PCYOX1: variants seen among roughly 807,000 people sequenced by gnomAD.
PCYOX1 encodes the protein prenylcysteine oxidase 1.
In PCYOX1, 46 loss-of-function variants were observed where a neutral mutation model predicts 46.4. The ratio of observed to expected loss-of-function variants is 0.99; its 90% CI spans 0.78 to 1.27. The LOEUF (loss-of-function observed/expected upper bound fraction) is 1.27, where lower values mean the gene tolerates loss of function less well. PCYOX1 is among the 50% of genes most tolerant of loss of function. The probability of loss-of-function intolerance (pLI) is 0.00; values close to 1 mark genes in which losing one functional copy is unlikely to be tolerated. For missense variants in PCYOX1, 658 were observed against 628.3 expected, an observed-to-expected ratio of 1.05 and a Z score of -0.51; for synonymous variants, 220 against 231.8, an observed-to-expected ratio of 0.95 and a Z score of 0.46.
At chr2:70,270,531 T>G (rs1203854508) in intron 3 of PCYOX1, among the ~76,000 whole-genome samples, 1 of 152,196 alleles carries the variant, frequency 6.6e-6, no homozygotes, top group South Asian at 2.1e-4. Context: ...CTGGCTTCAT[T>G]GTTTCTTGAA....
intron 3 of PCYOX1, among the ~76,000 whole-genome samples, chr2:70,273,349 A>T (rs1696627479): frequency 6.6e-6 from 1 of 152,186 alleles, no homozygotes. Flanking sequence ...GAAGGTATTT[A>T]GTTTCTCAGT....
At chr2:70,261,540 A>G (rs1696436418) in intron 3 of PCYOX1, among the ~76,000 whole-genome samples, 154 bp downstream of exon 3, 1 of 152,220 alleles carries the variant, frequency 6.6e-6, no homozygotes, top group Non-Finnish European at 1.5e-5. Context: ...TGTAGAAACT[A>G]TGCAGACTAT....
At position 70,278,807 on chromosome 2, in the gene PCYOX1, G is replaced by A. The variant is rs1224630272; in HGVS notation, c.*1415G>A. 1 of 152,158 alleles carries A rather than the reference G, an allele frequency of 6.6e-6. No individual in the cohort carries two copies. The highest frequency in any genetic ancestry group is 2.4e-5 in the African/African-American group (1 of 41,440). 9.4% of individuals were successfully genotyped at this position (152,158 alleles called of 1,614,324 possible). Reference sequence around the variant, plus strand: ...ATCATGATTAACTGTCAAGACACTGGTAGAACAGAACAAGCAAAAGATTAA... The same window carrying A: ...ATCATGATTAACTGTCAAGACACTGATAGAACAGAACAAGCAAAAGATTAA... On this transcript the variant is annotated 3_prime_UTR_variant, in exon 6 of 6. Transcript: ENST00000433351.
intron 3 of PCYOX1, among the ~76,000 whole-genome samples, chr2:70,262,145 G>C (rs527682787): frequency 8.5e-4 from 129 of 152,178 alleles, no homozygotes; most frequent in Admixed American, 2.7e-3. Flanking sequence ...AAAGCTGTTG[G>C]CATGTTCTAG....
rs922961948 is a variant in PCYOX1 at position 70,277,576 on chromosome 2, C to T, written c.*184C>T. 1.9e-6 allele frequency: 1 copy of T among 520,282 alleles called. No homozygotes were observed. The highest frequency in any genetic ancestry group is 1.9e-5 in the African/African-American group (1 of 51,942). The allele number at this position is 520,282 out of a possible 1,614,324, so 32.2% of individuals were successfully genotyped here. On this transcript the variant is annotated 3_prime_UTR_variant, in exon 6 of 6. Coordinates refer to ENST00000433351, the MANE Select transcript of PCYOX1 (RefSeq NM_016297.4). ...TAAGTGTGAAGGTATAGCTATTGCACTTATGCCATCTCCAAAATTTCTTAA... is the reference window on the plus strand; with the variant it reads ...TAAGTGTGAAGGTATAGCTATTGCATTTATGCCATCTCCAAAATTTCTTAA...
At chr2:70,271,200 T>C (rs1241329042) in intron 3 of PCYOX1, among the ~76,000 whole-genome samples, 3 of 151,400 alleles carry the variant, frequency 2.0e-5, no homozygotes, top group Non-Finnish European at 4.4e-5. Context: ...CCTGAATAGC[T>C]GGGACTACAG....
Position 70,275,561 on chromosome 2 carries a change from G to A in PCYOX1, c.754G>A (p.Gly252Ser). 1 of 1,614,124 alleles carries A rather than the reference G, an allele frequency of 6.2e-7. No individual in the cohort carries two copies. Among genetic ancestry groups the A allele is most frequent in the Non-Finnish European group, 8.5e-7 (1 of 1,180,008 alleles). ...CSDSGLWAVE[G>S]GNKLVCSGLL... ...TGATTCTGGCCTTTGGGCAGTAGAA[G>A]GTGGCAATAAACTTGTTTGCTCAGG... The change falls in exon 5 of 6, where the codon GGT (glycine) becomes AGT (serine). Residue 252 changes from glycine (G) to serine (S), a missense_variant. Transcript: ENST00000433351.
intron 5 of PCYOX1, among the ~76,000 whole-genome samples, chr2:70,275,880 C>T (rs1696664297): frequency 6.6e-6 from 1 of 152,028 alleles, no homozygotes; most frequent in South Asian, 2.1e-4. Context: ...GGGTGGATCA[C>T]CTGAGGTCAG....
rs545518869 is a variant in PCYOX1 at position 70,274,917 on chromosome 2, C to A, written c.495-42C>A. ...CCTTCTTTATACATCCCCTTCCCCA[C>A]ATCTTGTTTGGTATTTAATGGATTT... On this transcript the variant is annotated intron_variant, in intron 3 of 5. Coordinates refer to ENST00000433351, the MANE Select transcript of PCYOX1 (RefSeq NM_016297.4). 23 of 1,212,586 alleles carry A rather than the reference C, an allele frequency of 1.9e-5. No individual in the cohort carries two copies. In the South Asian group the frequency reaches 2.5e-4, roughly 13 times the overall value. The allele number at this position is 1,212,586 out of a possible 1,614,324, so 75.1% of individuals were successfully genotyped here.
chr2:70,264,744 G>A (rs532472836), intron 3 of PCYOX1, among the ~76,000 whole-genome samples: 4 of 151,926 alleles, frequency 2.6e-5, no homozygotes, highest in African/African-American at 7.2e-5. Context: ...GGCCGGGCGC[G>A]GTGGCACACG....
At position 70,269,952 on chromosome 2, in the gene PCYOX1, G is replaced by C. The variant is rs564708254; in HGVS notation, c.495-5007G>C. Among the ~76,000 whole-genome samples, 8 of 152,078 alleles carry C rather than the reference G, an allele frequency of 5.3e-5. No homozygotes were observed. In the South Asian group the frequency reaches 1.7e-3, roughly 32 times the overall value. On this transcript the variant is annotated intron_variant, in intron 3 of 5. Transcript: ENST00000433351. Reference sequence around the variant, plus strand: ...GCTAGTTTCACATTGCAGTTGGAAGGGTGCTGGTTTTATTTTTTATTTTTT... The same window carrying C: ...GCTAGTTTCACATTGCAGTTGGAAGCGTGCTGGTTTTATTTTTTATTTTTT...
rs1013601699 is a variant in PCYOX1, at chr2:70,280,347, G to C, written c.*2955G>C. 2.0e-5 allele frequency: 3 copies of C among 151,894 alleles called. No individual in the cohort carries two copies. The highest frequency in any genetic ancestry group is 7.3e-5 in the African/African-American group (3 of 41,182). 9.4% of individuals were successfully genotyped at this position (151,894 alleles called of 1,614,324 possible). ...TTTATTGGAAGAAAAAACACTGTCA[G>C]AGCTTACTGCTCCAGACCTTTTTTT... On this transcript the variant is annotated 3_prime_UTR_variant, in exon 6 of 6. Coordinates refer to ENST00000433351, the MANE Select transcript of PCYOX1 (RefSeq NM_016297.4).
intron 3 of PCYOX1, among the ~76,000 whole-genome samples, chr2:70,274,346 C>T (rs568222937): frequency 5.8e-4 from 88 of 151,274 alleles, no homozygotes; most frequent in African/African-American, 2.1e-3. Context: ...TACAGGCGTG[C>T]GCCACCAGGC....
In PCYOX1 at chr2:70,279,336, T is replaced by G. The variant is rs1696731460; in HGVS notation, c.*1944T>G. 1 of 152,230 alleles carries G rather than the reference T, an allele frequency of 6.6e-6. No individual in the cohort carries two copies. Among genetic ancestry groups the G allele is most frequent in the Non-Finnish European group, 1.5e-5 (1 of 68,042 alleles). The allele number at this position is 152,230 out of a possible 1,614,324, so 9.4% of individuals were successfully genotyped here. A position where few individuals can be genotyped will look rare whatever the true frequency, so the allele number is the denominator to read the frequency against. On this transcript the variant is annotated 3_prime_UTR_variant, in exon 6 of 6. Transcript: ENST00000433351. Reference sequence around the variant, plus strand: ...TTTATTCTTAACAGATATGTTGAGGTATTCATATTTGTTTCCTTTTGTGGT... The same window carrying G: ...TTTATTCTTAACAGATATGTTGAGGGATTCATATTTGTTTCCTTTTGTGGT...
intron 5 of PCYOX1, 43 bp downstream of exon 5, chr2:70,275,709 A>G: frequency 6.4e-7 from 1 of 1,563,446 alleles, no homozygotes; most frequent in Non-Finnish European, 8.8e-7. Flanking sequence ...CCCTGCAGAA[A>G]ATGATTGCTC....
In PCYOX1 at chr2:70,279,410, G is replaced by A. The variant is rs895575406; in HGVS notation, c.*2018G>A. The A allele has an allele frequency of 3.3e-5, 5 of 152,222 alleles. No homozygotes were observed. Among genetic ancestry groups the A allele is most frequent in the African/African-American group, 1.2e-4 (5 of 41,456 alleles). The allele number at this position is 152,222 out of a possible 1,614,324, so 9.4% of individuals were successfully genotyped here. A position where few individuals can be genotyped will look rare whatever the true frequency, so the allele number is the denominator to read the frequency against. On this transcript the variant is annotated 3_prime_UTR_variant, in exon 6 of 6. Transcript: ENST00000433351. The stretch of plus-strand genomic sequence containing the variant: ...TAATACTGTTATGTATATGCTAAAT[G>A]TTGGTAAATACTAATTAATTTCCAT...
At position 70,274,943 on chromosome 2, in the gene PCYOX1, C is replaced by G; in HGVS notation, c.495-16C>G. Reference sequence around the variant, plus strand: ...ATCTTGTTTGGTATTTAATGGATTTCTCTTCTTTTCCAAAGGATCTACCGC... The same window carrying G: ...ATCTTGTTTGGTATTTAATGGATTTGTCTTCTTTTCCAAAGGATCTACCGC... On this transcript the variant is annotated splice_polypyrimidine_tract_variant and intron_variant, in intron 3 of 5. Transcript: ENST00000433351. 4 of 1,492,326 alleles carry G rather than the reference C, an allele frequency of 2.7e-6. No homozygotes were observed. The highest frequency in any genetic ancestry group is 3.7e-6 in the Non-Finnish European group (4 of 1,069,016). The allele number at this position is 1,492,326 out of a possible 1,614,324, so 92.4% of individuals were successfully genotyped here.
intron 3 of PCYOX1, among the ~76,000 whole-genome samples, chr2:70,261,726 TA>T (rs1326842313): frequency 6.6e-6 from 1 of 152,186 alleles, no homozygotes; most frequent in African/African-American, 2.4e-5. Flanking sequence ...AGAGAGGTTT[TA>T]AAAGGCAAGT....
Position 70,280,303 on chromosome 2 carries a change from C to T in PCYOX1, c.*2911C>T, listed in dbSNP as rs1246538077. On this transcript the variant is annotated 3_prime_UTR_variant, in exon 6 of 6. Coordinates refer to ENST00000433351, the MANE Select transcript of PCYOX1 (RefSeq NM_016297.4). ...TCTGGGCGCATTAGGTAGTTTTATGCAACTATAGTATTAAGAGTTTTATTG... is the reference window on the plus strand; with the variant it reads ...TCTGGGCGCATTAGGTAGTTTTATGTAACTATAGTATTAAGAGTTTTATTG... The T allele has an allele frequency of 3.3e-5, 5 of 152,080 alleles. No individual in the cohort carries two copies. The highest frequency in any genetic ancestry group is 6.6e-5 in the Admixed American group (1 of 15,254). 9.4% of individuals were successfully genotyped at this position (152,080 alleles called of 1,614,324 possible). A position where few individuals can be genotyped will look rare whatever the true frequency, so the allele number is the denominator to read the frequency against.
Sources: gnomAD v4.1 joint callset for allele counts (sites outside exome capture counted in the v4.1 genomes callset) on GRCh38, gnomAD v4.1.1 for gene constraint, MANE v1.5 for transcripts, NCBI Gene and HGNC (gene_info 2026-07-23, HGNC 2026-07-21) for gene names.